The following PNPLA8 variants were observed in gnomAD, a reference collection of about 807,000 sequenced individuals.
PNPLA8 encodes calcium-independent phospholipase A2-gamma.
Under a neutral mutation model 76.9 loss-of-function variants are expected in PNPLA8, and 39 were observed. The observed-to-expected ratio is 0.51, with a 90% confidence interval of 0.39 to 0.66. PNPLA8 has a LOEUF of 0.66. Among genes scored for constraint, PNPLA8 ranks in the 30% least tolerant of loss-of-function variants. The probability of loss-of-function intolerance (pLI) is 0.00; values close to 1 mark genes in which losing one functional copy is unlikely to be tolerated. For missense variants in PNPLA8, 887 were observed against 918.0 expected (o/e 0.97, Z 0.44); for synonymous variants, 301 against 307.9 (o/e 0.98, Z 0.24).
chr7:108,514,685 A>C lies in PNPLA8; in HGVS notation c.807T>G (p.Pro269=). ...GSESVHTVDK[P]TSPSAIPDVL... is the part of the protein sequence containing the mutation. ...CATCAGGTATCGCAGAAGGACTTGT[A>C]GGCTTGTCCACCGTATGTACAGATT... The change falls in exon 3 of 11, where the codon CCT becomes CCG. Residue 269 remains proline (P), a synonymous_variant. Transcript: ENST00000257694. 1 of 1,614,024 alleles carries C rather than the reference A, an allele frequency of 6.2e-7. No individual in the cohort carries two copies. The highest frequency in any genetic ancestry group is 8.5e-7 in the Non-Finnish European group (1 of 1,179,906).
rs762607088 is a variant in PNPLA8 at position 108,497,552 on chromosome 7, G to C, written c.1384C>G (p.Arg462Gly). ...TTCTGAGTAAGTTCAACTAATTTTCGTAGGGTCTGGAGAGCAACCACGCCC... is the reference window on the plus strand; with the variant it reads ...TTCTGAGTAAGTTCAACTAATTTTCCTAGGGTCTGGAGAGCAACCACGCCC... ...TRGVVALQTL[R>G]KLVELTQKPV... The change falls in exon 6 of 11, where the codon CGA (arginine) becomes GGA (glycine). Residue 462 changes from arginine (R) to glycine (G), a missense_variant. Coordinates refer to ENST00000257694, the MANE Select transcript of PNPLA8 (RefSeq NM_001256007.3). 3.1e-6 allele frequency: 5 copies of C among 1,610,742 alleles called. No homozygotes were observed. Among genetic ancestry groups the C allele is most frequent in the South Asian group, 1.1e-5 (1 of 90,710 alleles).
chr7:108,481,880 T>C (rs1264103409), intron 9 of PNPLA8, among the ~76,000 whole-genome samples: 2 of 152,026 alleles, frequency 1.3e-5, no homozygotes, highest in African/African-American at 4.8e-5. Flanking sequence ...TGGGGTGTGT[T>C]TGTGTGTGTG....
intron 7 of PNPLA8, among the ~76,000 whole-genome samples, chr7:108,494,943 C>T (rs1040733537): frequency 6.6e-6 from 1 of 152,062 alleles, no homozygotes; most frequent in Non-Finnish European, 1.5e-5. Flanking sequence ...AAATAAAAAG[C>T]CATCAAAAAC....
rs767804915 is a variant in PNPLA8, at chr7:108,514,305, T to C, written c.1057-12A>G. ...ACCCTTGCGATAATCTACAAAGACATATTAAATAGATATGATTAGAATACA... is the reference window on the plus strand; with the variant it reads ...ACCCTTGCGATAATCTACAAAGACACATTAAATAGATATGATTAGAATACA... On this transcript the variant is annotated splice_polypyrimidine_tract_variant and intron_variant, in intron 3 of 10. Coordinates refer to ENST00000257694, the MANE Select transcript of PNPLA8 (RefSeq NM_001256007.3). 6.3e-7 allele frequency: 1 copy of C among 1,598,396 alleles called. No individual in the cohort carries two copies. Among genetic ancestry groups the C allele is most frequent in the East Asian group, 2.2e-5 (1 of 44,798 alleles).
At chr7:108,504,941 T>G (rs987208655) in intron 4 of PNPLA8, among the ~76,000 whole-genome samples, 1 of 152,010 alleles carries the variant, frequency 6.6e-6, no homozygotes, top group Non-Finnish European at 1.5e-5. Context: ...CTGGGCATGG[T>G]GGTGCATGCC....
Position 108,514,182 on chromosome 7 carries a change from G to A in PNPLA8, c.1168C>T (p.Leu390Phe), listed in dbSNP as rs757521560. 1.2e-6 allele frequency: 2 copies of A among 1,607,540 alleles called. No individual in the cohort carries two copies. The highest frequency in any genetic ancestry group is 1.3e-5 in the African/African-American group (1 of 74,726). The change falls in exon 4 of 11, where the codon CTT (leucine) becomes TTT (phenylalanine). Residue 390 changes from leucine (L) to phenylalanine (F), a missense_variant. Physicochemically the swap from Leu to Phe is conservative, Grantham distance 22 (BLOSUM62 0). Coordinates refer to ENST00000257694, the MANE Select transcript of PNPLA8 (RefSeq NM_001256007.3). ...CCTTTTCCTTCAGGAAATTCTAGAAGATGAAAAGTCAGTTCTTCAACCCTA... is the reference window on the plus strand; with the variant it reads ...CCTTTTCCTTCAGGAAATTCTAGAAAATGAAAAGTCAGTTCTTCAACCCTA... ...ITRVEELTFH[L>F]LEFPEGKGVA...
At chr7:108,523,786 G>A (rs951649410) in intron 1 of PNPLA8, among the ~76,000 whole-genome samples, 15 of 152,152 alleles carry the variant, frequency 9.9e-5, no homozygotes, top group African/African-American at 2.9e-4. Context: ...ACCACTTTCT[G>A]ATGCTGGGGC....
intron 10 of PNPLA8, among the ~76,000 whole-genome samples, chr7:108,475,924 G>A (rs1179050133): frequency 6.6e-6 from 1 of 151,846 alleles, no homozygotes; most frequent in African/African-American, 2.4e-5. Context: ...AGTTTATGAT[G>A]TCCAGAAGAG....
In PNPLA8 at chr7:108,497,485, G is replaced by C; in HGVS notation, c.1451C>G (p.Thr484Arg). ...CACTTCCATATAATAATAATTACCT[G>C]TGCTTACACCACAAATGTAATCAAA... ...QLFDYICGVS[T>R]GAILAFMLGL... The change falls in exon 6 of 11, where the codon ACA becomes AGA. Residue 484 changes from threonine to arginine, a missense_variant and splice_region_variant. Coordinates refer to ENST00000257694, the MANE Select transcript of PNPLA8 (RefSeq NM_001256007.3). The C allele has an allele frequency of 1.3e-6, 2 of 1,578,288 alleles. No homozygotes were observed. Among genetic ancestry groups the C allele is most frequent in the Non-Finnish European group, 8.7e-7 (1 of 1,151,390 alleles).
intron 9 of PNPLA8, among the ~76,000 whole-genome samples, chr7:108,483,297 A>G (rs1860527874): frequency 6.6e-6 from 1 of 152,220 alleles, no homozygotes; most frequent in Non-Finnish European, 1.5e-5. Flanking sequence ...ACCAATGTGT[A>G]GCTTTGTGAT....
chr7:108,487,610 AT>A (rs1448237830), intron 9 of PNPLA8, 148 bp downstream of exon 9: 2 of 469,260 alleles, frequency 4.3e-6, no homozygotes, highest in African/African-American at 2.0e-5. Flanking sequence ...ACAAATAAAA[AT>A]ATCCTAAATT....
At chr7:108,489,485 C>T (rs1598892262) in intron 8 of PNPLA8, among the ~76,000 whole-genome samples, 3 of 152,274 alleles carry the variant, frequency 2.0e-5, no homozygotes, top group Middle Eastern at 3.4e-3. Flanking sequence ...ATTAGCTGGC[C>T]CTCATGTCTC....
intron 7 of PNPLA8, among the ~76,000 whole-genome samples, chr7:108,492,664 C>A (rs919916843): frequency 6.6e-6 from 1 of 151,560 alleles, no homozygotes; most frequent in Non-Finnish European, 1.5e-5. Context: ...TAAAATAGTT[C>A]CCTTAAAATA....
chr7:108,494,326 C>T (rs1387285566), intron 7 of PNPLA8, among the ~76,000 whole-genome samples: 2 of 152,282 alleles, frequency 1.3e-5, no homozygotes, highest in South Asian at 2.1e-4. Flanking sequence ...GCAGTAAGCA[C>T]AGTACCCAAC....
At chr7:108,521,148 A>C (rs1489063776) in intron 2 of PNPLA8, among the ~76,000 whole-genome samples, 3 of 152,196 alleles carry the variant, frequency 2.0e-5, no homozygotes. Flanking sequence ...GCCAGAAAAA[A>C]AAATGTGTAA....
At chr7:108,483,129 T>C (rs949390941) in intron 9 of PNPLA8, among the ~76,000 whole-genome samples, 1 of 152,236 alleles carries the variant, frequency 6.6e-6, no homozygotes, top group African/African-American at 2.4e-5. Flanking sequence ...AATAATACTC[T>C]GGTTGGATCA....
intron 9 of PNPLA8, 151 bp from the exon 10 acceptor site, chr7:108,479,530 A>G (rs1860248257): frequency 1.6e-6 from 1 of 628,918 alleles, no homozygotes; most frequent in Non-Finnish European, 2.8e-6. Flanking sequence ...AATCCATGCG[A>G]AGACTCATTG....
intron 8 of PNPLA8, among the ~76,000 whole-genome samples, chr7:108,488,399 G>C (rs776307605): frequency 6.6e-6 from 1 of 152,144 alleles, no homozygotes; most frequent in Non-Finnish European, 1.5e-5. Context: ...GCCCAAAATG[G>C]TGAAACCCCA....
chr7:108,513,837 T>C (rs1007018851), intron 4 of PNPLA8, among the ~76,000 whole-genome samples: 1 of 152,146 alleles, frequency 6.6e-6, no homozygotes, highest in Non-Finnish European at 1.5e-5. Flanking sequence ...TTACATAGTA[T>C]AAATATTTAC....
Sources: allele counts gnomAD v4.1 joint callset (sites outside exome capture counted in the v4.1 genomes callset), GRCh38; gene constraint gnomAD v4.1.1; transcripts MANE v1.5; gene names NCBI Gene and HGNC (gene_info 2026-07-23, HGNC 2026-07-21).